The following HEATR1 variants were observed in gnomAD, a reference collection of about 807,000 sequenced individuals.
HEATR1 encodes HEAT repeat-containing protein 1.
HEATR1 carries 77 observed loss-of-function variants against 248.2 expected under a neutral mutation model. The ratio of observed to expected loss-of-function variants is 0.31; its 90% CI spans 0.26 to 0.37. HEATR1 has a LOEUF of 0.37. Among genes scored for constraint, HEATR1 ranks in the 10% least tolerant of loss-of-function variants. The probability of loss-of-function intolerance (pLI) is 1.00; values close to 1 mark genes in which losing one functional copy is unlikely to be tolerated. For synonymous variants in HEATR1, 897 were observed against 923.1 expected, an observed-to-expected ratio of 0.97 and a Z score of 0.51; for missense variants, 2,420 against 2,504.9, an observed-to-expected ratio of 0.97 and a Z score of 0.72.
rs1659614524 is a variant in HEATR1, at chr1:236,557,251, C to T, written c.5299G>A (p.Val1767Ile). ...ATGAAGTGCGGGAGAGTCTCCACAA[C>T]CTTCTGCAGAGCAGCCAAGGCACTG... Reference protein sequence around the residue: ...LLSALAALQKVVETLPHFISP... With the variant: ...LLSALAALQKIVETLPHFISP... Residue 1767 changes from valine (V) to isoleucine (I), a missense_variant, in exon 37 of 45, where the codon GTT becomes ATT. Physicochemically the swap from Val to Ile is conservative, Grantham distance 29 (BLOSUM62 3). Coordinates refer to ENST00000366582, the MANE Select transcript of HEATR1 (RefSeq NM_018072.6). The T allele has an allele frequency of 1.9e-6, 3 of 1,614,178 alleles. No individual in the cohort carries two copies. The highest frequency in any genetic ancestry group is 2.5e-6 in the Non-Finnish European group (3 of 1,180,026).
rs1662913673 is a variant in HEATR1 at position 236,554,891 on chromosome 1, C to T, written c.5924-139G>A. The T allele has an allele frequency of 6.7e-6, 5 of 742,068 alleles. No individual in the cohort carries two copies. The South Asian group carries it at 1.0e-4, about 15-fold the overall frequency. 46.0% of individuals were successfully genotyped at this position (742,068 alleles called of 1,614,324 possible). On this transcript the variant is annotated intron_variant, in intron 41 of 44. Transcript: ENST00000366582. ...CTAGAAATCATAATCAGGACGAAGG[C>T]AGAACACAATGGATGGTCTCTCGAA...
intron 2 of HEATR1, among the ~76,000 whole-genome samples, 173 bp downstream of exon 2, chr1:236,603,781 G>A (rs1430443399): frequency 6.6e-6 from 1 of 150,928 alleles, no homozygotes; most frequent in Non-Finnish European, 1.5e-5. Context: ...AACATTTCAA[G>A]CACCAAGCAC....
rs1558187604 is a variant in HEATR1, at chr1:236,583,027, TTAG to T, written c.2408_2410del (p.Pro803_Lys804delinsGln). 1.2e-6 allele frequency: 2 copies of T among 1,613,964 alleles called. No individual in the cohort carries two copies. Among genetic ancestry groups the T allele is most frequent in the Non-Finnish European group, 8.5e-7 (1 of 1,179,960 alleles). ...TTGTATCTTACCTTTAGGAAAAGATTTAGGAGCTTTCAGTGCATAAATAAATTT... is the reference window on the plus strand; with the variant it reads ...TTGTATCTTACCTTTAGGAAAAGATTGAGCTTTCAGTGCATAAATAAATTT... On this transcript the variant is annotated inframe_deletion, in exon 18 of 45. Transcript: ENST00000366582.
chr1:236,582,014 C>T (rs1253462), intron 19 of HEATR1, among the ~76,000 whole-genome samples: 34,566 of 151,966 alleles, frequency 0.23, 4,591 homozygotes, highest in African/African-American at 0.36. Context: ...TTACAGGGCC[C>T]GTGCTATTAT....
chr1:236,576,879 G>A lies in HEATR1; in HGVS notation c.2826C>T (p.Leu942=), dbSNP rs138759122. The change falls in exon 21 of 45, where the codon CTC becomes CTT. Residue 942 remains leucine, a synonymous_variant. Coordinates refer to ENST00000366582, the MANE Select transcript of HEATR1 (RefSeq NM_018072.6). ...GGGATGCCACTCCACTGAGGGCCTGGAGACACTGAATGGCAGCCCTACGAA... is the reference window on the plus strand; with the variant it reads ...GGGATGCCACTCCACTGAGGGCCTGAAGACACTGAATGGCAGCCCTACGAA... ...KEVRRAAIQC[L]QALSGVASPF... The A allele has an allele frequency of 1.2e-5, 20 of 1,613,938 alleles. No homozygotes were observed. In the East Asian group the frequency reaches 1.6e-4, roughly 13 times the overall value.
chr1:236,568,894 A>AAC (rs1239528381), intron 29 of HEATR1, 102 bp downstream of exon 29: 36 of 611,744 alleles, frequency 5.9e-5, no homozygotes, highest in Admixed American at 7.9e-5. Context: ...TTAAAAAAAA[A>AAC]AAACAAAAAA....
rs1345704752 is a variant in HEATR1, at chr1:236,555,793, AC to A, written c.5649+11del. 6.2e-7 allele frequency: 1 copy of A among 1,614,120 alleles called. No individual in the cohort carries two copies. Among genetic ancestry groups the A allele is most frequent in the Non-Finnish European group, 8.5e-7 (1 of 1,179,976 alleles). On this transcript the variant is annotated intron_variant, in intron 39 of 44. Coordinates refer to ENST00000366582, the MANE Select transcript of HEATR1 (RefSeq NM_018072.6). Reference sequence around the variant, plus strand: ...ACAGCTTTAGGATTTGGAGGAGTGAACCTGAGCTTACCTCAGAGTGCTGGGC... The same window carrying A: ...ACAGCTTTAGGATTTGGAGGAGTGAACTGAGCTTACCTCAGAGTGCTGGGC...
At chr1:236,584,460 C>A (rs1479736987) in intron 17 of HEATR1, among the ~76,000 whole-genome samples, 2 of 151,714 alleles carry the variant, frequency 1.3e-5, no homozygotes, top group Non-Finnish European at 2.9e-5. Flanking sequence ...AATGAGAAGC[C>A]CTCTAAAATT....
At chr1:236,557,088 C>T in intron 37 of HEATR1, 107 bp downstream of exon 37, 1 of 1,165,002 alleles carries the variant, frequency 8.6e-7, no homozygotes. Flanking sequence ...AGACTCCTTT[C>T]TGTCAAACGG....
rs1175603006 is a variant in HEATR1, at chr1:236,571,344, C to T, written c.3948+7G>A. ...ATCTGCTAAAATCTTATATCATTAACGCTTACCGGAAATATTCCAGCAACA... is the reference window on the plus strand; with the variant it reads ...ATCTGCTAAAATCTTATATCATTAATGCTTACCGGAAATATTCCAGCAACA... On this transcript the variant is annotated splice_region_variant and intron_variant, in intron 28 of 44. Coordinates refer to ENST00000366582, the MANE Select transcript of HEATR1 (RefSeq NM_018072.6). 5.0e-6 allele frequency: 8 copies of T among 1,588,222 alleles called. No individual in the cohort carries two copies. Among genetic ancestry groups the T allele is most frequent in the Non-Finnish European group, 6.8e-6 (8 of 1,173,120 alleles).
rs1303645889 is a variant in HEATR1 at position 236,561,237 on chromosome 1, C to A, written c.4634G>T (p.Gly1545Val). The A allele has an allele frequency of 1.2e-6, 2 of 1,609,254 alleles. No homozygotes were observed. The highest frequency in any genetic ancestry group is 1.7e-6 in the Non-Finnish European group (2 of 1,175,776). The change falls in exon 33 of 45, where the codon GGC becomes GTC. Residue 1545 changes from glycine (G) to valine (V), a missense_variant. Physicochemically the swap from Gly to Val is moderately radical, Grantham distance 109. Transcript: ENST00000366582. ...AAAGGAAACATACCTCTCTTCAAGG[C>A]CTTTTAAAATCTCAGGACCACCACT... Reference protein sequence around the residue: ...VESGGPEILKGLEERLLETVL... With the variant: ...VESGGPEILKVLEERLLETVL...
In HEATR1 at chr1:236,582,999, A is replaced by G. The variant is rs1230551576; in HGVS notation, c.2425+14T>C. On this transcript the variant is annotated intron_variant, in intron 18 of 44. Transcript: ENST00000366582. ...AGAGTATCACATTTAAAAGATTCACAGCTTGTATCTTACCTTTAGGAAAAG... is the reference window on the plus strand; with the variant it reads ...AGAGTATCACATTTAAAAGATTCACGGCTTGTATCTTACCTTTAGGAAAAG... 3 of 1,611,732 alleles carry G rather than the reference A, an allele frequency of 1.9e-6. No individual in the cohort carries two copies. The highest frequency in any genetic ancestry group is 2.5e-6 in the Non-Finnish European group (3 of 1,178,434).
At chr1:236,554,841 CTA>C (rs1662910485) in intron 41 of HEATR1, 89 bp from the exon 42 acceptor site, 7 of 1,168,786 alleles carry the variant, frequency 6.0e-6, no homozygotes, top group African/African-American at 1.6e-5. Flanking sequence ...ATTAAAATAA[CTA>C]AATCAGAAGA....
In HEATR1 at chr1:236,581,372, C is replaced by T. The variant is rs763334492; in HGVS notation, c.2605G>A (p.Val869Ile). 4 of 1,567,318 alleles carry T rather than the reference C, an allele frequency of 2.6e-6. No homozygotes were observed. The highest frequency in any genetic ancestry group is 1.2e-5 in the South Asian group (1 of 83,960). Residue 869 changes from valine (V) to isoleucine (I), a missense_variant, in exon 20 of 45, where the codon GTT becomes ATT. Physicochemically the swap from Val to Ile is conservative, Grantham distance 29 (BLOSUM62 3). Transcript: ENST00000366582. Reference sequence around the variant, plus strand: ...AGGCTAGAACCATAGGTCCATAAAACAGAACAGAACTTGAATAACTGAAAA... The same window carrying T: ...AGGCTAGAACCATAGGTCCATAAAATAGAACAGAACTTGAATAACTGAAAA... ...DVFQLFKFCS[V>I]LWTYGSSLSN...
chr1:236,596,718 C>T, intron 6 of HEATR1, 118 bp downstream of exon 6: 1 of 982,998 alleles, frequency 1.0e-6, no homozygotes, highest in Non-Finnish European at 1.5e-6. Context: ...GGCTAAATCT[C>T]AGCTATCATC....
Position 236,585,877 on chromosome 1 carries a change from C to A in HEATR1, c.1992G>T (p.Met664Ile). 6.2e-7 allele frequency: 1 copy of A among 1,612,766 alleles called. No homozygotes were observed. The highest frequency in any genetic ancestry group is 8.5e-7 in the Non-Finnish European group (1 of 1,179,006). ...GKLIGVANQK[M>I]IELLADNINL... ...TTATATTATCAGCCAACAACTCAAT[C>A]ATCTTCTGATTTGCTACACCGATTA... Residue 664 changes from methionine (M) to isoleucine (I), a missense_variant, in exon 16 of 45, where the codon ATG (methionine) becomes ATT (isoleucine). Coordinates refer to ENST00000366582, the MANE Select transcript of HEATR1 (RefSeq NM_018072.6).
At chr1:236,567,578 G>C (rs1663306965) in intron 29 of HEATR1, among the ~76,000 whole-genome samples, 1 of 152,180 alleles carries the variant, frequency 6.6e-6, no homozygotes, top group Admixed American at 6.5e-5. Context: ...GCGTGGTGGT[G>C]CGTGCCTGTA....
intron 3 of HEATR1, among the ~76,000 whole-genome samples, chr1:236,601,913 C>T (rs1290617899): frequency 1.3e-5 from 2 of 150,418 alleles, no homozygotes; most frequent in South Asian, 2.1e-4. Flanking sequence ...GAGTGGATCA[C>T]GAGGTCAGGA....
rs148203549 is a variant in HEATR1, at chr1:236,585,776, T to A, written c.2049+44A>T. On this transcript the variant is annotated intron_variant, in intron 16 of 44. Coordinates refer to ENST00000366582, the MANE Select transcript of HEATR1 (RefSeq NM_018072.6). ...GCAAAAGCTGAGAATTTAATAAGAG[T>A]ATGAGAAAGAAATCCAGGGGGTGGA... is the stretch of plus-strand genomic sequence containing the variant. The A allele has an allele frequency of 9.0e-4, 1,434 of 1,591,286 alleles. 8 individuals are homozygous for A. In the African/African-American group the frequency reaches 0.014, roughly 16 times the overall value.
Sources: gnomAD v4.1 joint callset for allele counts (sites outside exome capture counted in the v4.1 genomes callset) on GRCh38, gnomAD v4.1.1 for gene constraint, MANE v1.5 for transcripts, NCBI Gene and HGNC (gene_info 2026-07-23, HGNC 2026-07-21) for gene names.